Variants in CDH12 observed in about 807,000 individuals in gnomAD.
CDH12 encodes the protein cadherin-12.
A neutral mutation model predicts 74.1 loss-of-function variants in CDH12; 41 were observed. That is an observed-to-expected ratio of 0.55 (90% CI 0.43 to 0.72). The LOEUF is 0.72. Ranked by LOEUF, CDH12 falls within the 30% of genes least tolerant of loss-of-function variation. CDH12 has a pLI of 0.00. For missense variants in CDH12, 945 were observed against 977.2 expected, an observed-to-expected ratio of 0.97 and a Z score of 0.44; for synonymous variants, 399 against 355.0, an observed-to-expected ratio of 1.12 and a Z score of -1.39.
chr5:21,953,201 T>C (rs1185722603), intron 6 of CDH12, among the ~76,000 whole-genome samples: 3 of 152,056 alleles, frequency 2.0e-5, no homozygotes, highest in Non-Finnish European at 4.4e-5. Context: ...TTATCTGAAC[T>C]CAGGCATTCC....
intron 1 of CDH12, among the ~76,000 whole-genome samples, chr5:22,695,792 T>G (rs1288486753): frequency 6.6e-6 from 1 of 152,138 alleles, no homozygotes; most frequent in East Asian, 1.9e-4. Context: ...ATATTCAAGT[T>G]TTCTTTGTTG....
chr5:22,707,267 G>A (rs1271442478), intron 1 of CDH12, among the ~76,000 whole-genome samples: 1 of 152,152 alleles, frequency 6.6e-6, no homozygotes, highest in African/African-American at 2.4e-5. Context: ...CTGTGCTAAT[G>A]TAATCATTTG....
At chr5:22,642,877 C>A (rs566600447) in intron 1 of CDH12, among the ~76,000 whole-genome samples, 49 of 152,038 alleles carry the variant, frequency 3.2e-4, no homozygotes, top group Non-Finnish European at 6.2e-4. Flanking sequence ...AATTCAATTT[C>A]GTCCTTACTT....
At chr5:22,487,533 A>G (rs1561441190) in intron 2 of CDH12, among the ~76,000 whole-genome samples, 1 of 152,210 alleles carries the variant, frequency 6.6e-6, no homozygotes, top group Non-Finnish European at 1.5e-5. Context: ...AATAGATACA[A>G]GGATATACAT....
intron 1 of CDH12, among the ~76,000 whole-genome samples, chr5:22,672,069 T>G (rs1740927508): frequency 7.3e-6 from 1 of 137,876 alleles, no homozygotes; most frequent in Non-Finnish European, 1.5e-5. Flanking sequence ...TATTTATTCT[T>G]TATATATAAT....
intron 4 of CDH12, among the ~76,000 whole-genome samples, chr5:22,193,146 CTTTTTGTTTG>C (rs941935703): frequency 2.0e-5 from 3 of 152,208 alleles, no homozygotes; most frequent in South Asian, 2.1e-4. Context: ...CTACATATGT[CTTTTTGTTTG>C]TTTTTGTTTG....
At position 22,499,036 on chromosome 5, in the gene CDH12, G is replaced by A. The variant is rs557125543; in HGVS notation, c.-428+6234C>T. ...CTCCTGCCTCAGCCTCTCAAGTACC[G>A]GGGATTACAGGCACCTGCTACCATA... On this transcript the variant is annotated intron_variant, in intron 2 of 14. Coordinates refer to ENST00000382254, the MANE Select transcript of CDH12 (RefSeq NM_004061.5). Among the ~76,000 whole-genome samples the A allele has an allele frequency of 9.3e-5, 14 of 150,050 alleles. No homozygotes were observed. In the South Asian group the frequency reaches 1.5e-3, roughly 16 times the overall value.
intron 5 of CDH12, among the ~76,000 whole-genome samples, chr5:22,025,904 A>G (rs1738317616): frequency 6.6e-6 from 1 of 152,148 alleles, no homozygotes; most frequent in African/African-American, 2.4e-5. Flanking sequence ...GATTGCAGCA[A>G]TTCAGTCCTA....
chr5:22,151,155 C>A (rs1436334705), intron 4 of CDH12, among the ~76,000 whole-genome samples: 1 of 152,138 alleles, frequency 6.6e-6, no homozygotes, highest in Non-Finnish European at 1.5e-5. Flanking sequence ...AACCAAGGCA[C>A]AGGGAGGTTA....
At chr5:21,819,158 C>G (rs945756823) in intron 8 of CDH12, among the ~76,000 whole-genome samples, 4 of 151,900 alleles carry the variant, frequency 2.6e-5, no homozygotes, top group African/African-American at 9.7e-5. Flanking sequence ...TTCAAATAGC[C>G]TTAATTACAT....
intron 4 of CDH12, among the ~76,000 whole-genome samples, chr5:22,170,032 A>G (rs1278820722): frequency 1.3e-5 from 2 of 151,938 alleles, no homozygotes; most frequent in Non-Finnish European, 2.9e-5. Context: ...TTTATTTGCC[A>G]TTACAATCTT....
At chr5:21,831,765 G>A (rs1307606872) in intron 8 of CDH12, among the ~76,000 whole-genome samples, 1 of 152,090 alleles carries the variant, frequency 6.6e-6, no homozygotes, top group African/African-American at 2.4e-5. Context: ...AGGCCAAAAG[G>A]TGGGGATAGA....
intron 1 of CDH12, among the ~76,000 whole-genome samples, chr5:22,749,596 G>A (rs1745459717): frequency 6.6e-6 from 1 of 152,130 alleles, no homozygotes; most frequent in South Asian, 2.1e-4. Context: ...ACTAGCATGA[G>A]TAGAATACAT....
At chr5:22,304,210 A>T (rs1389680642) in intron 3 of CDH12, among the ~76,000 whole-genome samples, 1 of 152,262 alleles carries the variant, frequency 6.6e-6, no homozygotes, top group Non-Finnish European at 1.5e-5. Context: ...AGATGCCGTA[A>T]ATAATTGTGT....
At chr5:22,148,921 C>A (rs545081138) in intron 4 of CDH12, among the ~76,000 whole-genome samples, 4 of 152,154 alleles carry the variant, frequency 2.6e-5, no homozygotes, top group Non-Finnish European at 5.9e-5. Context: ...GAGTTTAAGA[C>A]CAAACTGGCC....
At chr5:22,570,779 C>T (rs1739500792) in intron 1 of CDH12, among the ~76,000 whole-genome samples, 1 of 152,068 alleles carries the variant, frequency 6.6e-6, no homozygotes, top group Non-Finnish European at 1.5e-5. Context: ...ATTTTGAAGC[C>T]AGGAATTGAC....
Position 22,004,581 on chromosome 5 carries a change from C to T in CDH12, c.232-29196G>A, listed in dbSNP as rs185416898. On this transcript the variant is annotated intron_variant, in intron 5 of 14. Coordinates refer to ENST00000382254, the MANE Select transcript of CDH12 (RefSeq NM_004061.5). ...AGCTATTCCCTAGATATCCGCATGG[C>T]TAATTCTCACTTCTTTCAGTCCACA... is the stretch of plus-strand genomic sequence containing the variant. Among the ~76,000 whole-genome samples the T allele has an allele frequency of 7.2e-3, 1,104 of 152,286 alleles. 12 individuals carry two copies. Among genetic ancestry groups the T allele is most frequent in the African/African-American group, 0.025 (1,034 of 41,564 alleles).
At chr5:22,536,897 T>A (rs1336739533) in intron 1 of CDH12, among the ~76,000 whole-genome samples, 1 of 152,226 alleles carries the variant, frequency 6.6e-6, no homozygotes, top group African/African-American at 2.4e-5. Flanking sequence ...GTTTTTCTGA[T>A]ATAAATGGCC....
At chr5:21,915,586 G>T (rs1251122784) in intron 6 of CDH12, among the ~76,000 whole-genome samples, 1 of 152,060 alleles carries the variant, frequency 6.6e-6, no homozygotes, top group African/African-American at 2.4e-5. Flanking sequence ...GCCAGATTTA[G>T]ACAGCTTTTC....
Sources: gnomAD v4.1 joint callset for allele counts (sites outside exome capture counted in the v4.1 genomes callset) on GRCh38, gnomAD v4.1.1 for gene constraint, MANE v1.5 for transcripts, NCBI Gene and HGNC (gene_info 2026-07-23, HGNC 2026-07-21) for gene names.